The following SSBP2 variants were observed in gnomAD, a reference collection of about 807,000 sequenced individuals.
SSBP2 encodes the protein single stranded DNA binding protein 2.
A neutral mutation model predicts 61.8 loss-of-function variants in SSBP2; 17 were observed. The ratio of observed to expected loss-of-function variants is 0.28; its 90% CI spans 0.19 to 0.41. SSBP2 has a LOEUF of 0.41. Ranked by LOEUF, SSBP2 falls within the 10% of genes least tolerant of loss-of-function variation. The pLI, the probability that SSBP2 is intolerant of heterozygous loss-of-function variation, is 1.00. For synonymous variants in SSBP2, 139 were observed against 141.3 expected (o/e 0.98, Z 0.12); for missense variants, 310 against 458.7 (o/e 0.68, Z 2.96).
chr5:81,624,132 G>GAAAA (rs1295347533), intron 3 of SSBP2, among the ~76,000 whole-genome samples: 5 of 152,012 alleles, frequency 3.3e-5, no homozygotes, highest in African/African-American at 4.8e-5. Flanking sequence ...TACTCATCAG[G>GAAAA]AGAGTTTCAT....
intron 1 of SSBP2, among the ~76,000 whole-genome samples, chr5:81,691,508 G>A (rs1753197177): frequency 6.6e-6 from 1 of 151,404 alleles, no homozygotes; most frequent in Admixed American, 6.6e-5. Context: ...ACTGCACCAA[G>A]ATGAAATCCA....
chr5:81,540,754 A>C (rs1460907369), intron 4 of SSBP2, among the ~76,000 whole-genome samples: 1 of 152,060 alleles, frequency 6.6e-6, no homozygotes, highest in Non-Finnish European at 1.5e-5. Context: ...TGTGTGACTC[A>C]GTTTATGGCA....
intron 2 of SSBP2, among the ~76,000 whole-genome samples, chr5:81,648,748 T>A (rs1253115090): frequency 6.6e-6 from 1 of 152,084 alleles, no homozygotes; most frequent in East Asian, 1.9e-4. Context: ...ATGGGGTACA[T>A]AAGATATTTT....
chr5:81,687,351 T>C (rs928066105), intron 1 of SSBP2, among the ~76,000 whole-genome samples: 2 of 152,188 alleles, frequency 1.3e-5, no homozygotes, highest in South Asian at 4.2e-4. Context: ...AGAACCTGAG[T>C]TCTGGCAAGC....
At chr5:81,644,722 A>G (rs1258940247) in intron 2 of SSBP2, among the ~76,000 whole-genome samples, 12 of 152,188 alleles carry the variant, frequency 7.9e-5, no homozygotes, top group Admixed American at 5.2e-4. Flanking sequence ...GGGATAGACC[A>G]TAAGAGGGAG....
intron 1 of SSBP2, among the ~76,000 whole-genome samples, chr5:81,677,502 C>A (rs551024144): frequency 6.6e-6 from 1 of 152,046 alleles, no homozygotes; most frequent in African/African-American, 2.4e-5. Context: ...GGAGGCTCAG[C>A]GTGGACAAGT....
intron 4 of SSBP2, among the ~76,000 whole-genome samples, chr5:81,607,200 C>A (rs562541678): frequency 6.6e-6 from 1 of 151,822 alleles, no homozygotes; most frequent in Non-Finnish European, 1.5e-5. Context: ...TTAGGAATGG[C>A]AAAAATAGGA....
intron 10 of SSBP2, among the ~76,000 whole-genome samples, chr5:81,457,687 G>A (rs990485702): frequency 2.0e-5 from 3 of 151,608 alleles, no homozygotes; most frequent in African/African-American, 7.3e-5. Flanking sequence ...TTGAGACCGA[G>A]TTTTACTCTT....
At chr5:81,713,903 TTTA>T (rs543806687) in intron 1 of SSBP2, among the ~76,000 whole-genome samples, 12 of 152,146 alleles carry the variant, frequency 7.9e-5, no homozygotes, top group African/African-American at 2.7e-4. Context: ...AAACTGGATT[TTTA>T]TTATTTTTAT....
chr5:81,450,911 T>C (rs753137319), intron 10 of SSBP2, among the ~76,000 whole-genome samples: 1 of 152,334 alleles, frequency 6.6e-6, no homozygotes, highest in Admixed American at 6.5e-5. Context: ...CAAAACACGG[T>C]TGACAAGATC....
chr5:81,578,085 G>T (rs1406843880), intron 4 of SSBP2, among the ~76,000 whole-genome samples: 1 of 152,036 alleles, frequency 6.6e-6, no homozygotes, highest in Non-Finnish European at 1.5e-5. Context: ...AACCGAGGTA[G>T]ATAGAGCAAA....
chr5:81,445,138 T>TTTATATATATA, intron 12 of SSBP2, among the ~76,000 whole-genome samples: 1 of 33,896 alleles, frequency 3.0e-5, no homozygotes, highest in South Asian at 1.4e-3. Flanking sequence ...AAAAAAAATT[T>TTTATATATATA]TATATATATA....
rs555237455 is a variant in SSBP2, at chr5:81,641,899, A to C, written c.136-5281T>G. On this transcript the variant is annotated intron_variant, in intron 2 of 16. Transcript: ENST00000320672. ...GAAATTTGGAAGGTTGGAGAATATT[A>C]TGTATAGCATAAAACCTTTCTGCTT... is the stretch of plus-strand genomic sequence containing the variant. Among the ~76,000 whole-genome samples, 4 of 152,278 alleles carry C rather than the reference A, an allele frequency of 2.6e-5. No individual in the cohort carries two copies. The South Asian group carries it at 8.3e-4, about 32-fold the overall frequency.
intron 4 of SSBP2, among the ~76,000 whole-genome samples, chr5:81,514,405 A>G (rs1338924490): frequency 1.3e-5 from 2 of 152,120 alleles, no homozygotes; most frequent in Non-Finnish European, 2.9e-5. Flanking sequence ...GAATCCTGGT[A>G]TTTCATAAAA....
At chr5:81,559,168 A>G (rs1013949548) in intron 4 of SSBP2, among the ~76,000 whole-genome samples, 2 of 152,060 alleles carry the variant, frequency 1.3e-5, no homozygotes, top group Non-Finnish European at 2.9e-5. Context: ...CAGGTGGATC[A>G]TGAGGTCAGG....
Position 81,489,326 on chromosome 5 carries a change from A to C in SSBP2, c.373-17T>G, listed in dbSNP as rs752680054. 6.3e-7 allele frequency: 1 copy of C among 1,593,330 alleles called. No individual in the cohort carries two copies. Among genetic ancestry groups the C allele is most frequent in the Non-Finnish European group, 8.5e-7 (1 of 1,174,080 alleles). ...CATAAAAGGCTATTGAAGTAAAACA[A>C]ATAAACAAACAAAACAAAAAACAGT... On this transcript the variant is annotated splice_polypyrimidine_tract_variant and intron_variant, in intron 5 of 16. Transcript: ENST00000320672.
intron 4 of SSBP2, among the ~76,000 whole-genome samples, chr5:81,596,787 T>C (rs562080751): frequency 2.2e-5 from 3 of 134,460 alleles, no homozygotes; most frequent in Non-Finnish European, 4.7e-5. Context: ...GCTAGCCACA[T>C]GTGGAAAGCT....
chr5:81,568,360 TGCTGCCATC>T (rs1309260967), intron 4 of SSBP2, among the ~76,000 whole-genome samples: 3 of 152,320 alleles, frequency 2.0e-5, no homozygotes, highest in Admixed American at 6.5e-5. Context: ...TCTCTTTGCC[TGCTGCCATC>T]CATGTAAGAT....
Position 81,549,536 on chromosome 5 carries a change from T to C in SSBP2, c.283-35819A>G, listed in dbSNP as rs188208854. ...TATATGCAATAATCTTGTGCTACTG[T>C]ATATGCATCTGCTTTCCCAAGCAAA... On this transcript the variant is annotated intron_variant, in intron 4 of 16. Transcript: ENST00000320672. Among the ~76,000 whole-genome samples the C allele has an allele frequency of 3.1e-3, 470 of 152,318 alleles. 10 individuals carry two copies. The highest frequency in any genetic ancestry group is 0.025 in the Admixed American group (387 of 15,300).
Sources: gnomAD v4.1 joint callset for allele counts (sites outside exome capture counted in the v4.1 genomes callset) on GRCh38, gnomAD v4.1.1 for gene constraint, MANE v1.5 for transcripts, NCBI Gene and HGNC (gene_info 2026-07-23, HGNC 2026-07-21) for gene names.